The following MYPN variants were observed in gnomAD, a reference collection of about 807,000 sequenced individuals.
MYPN encodes sarcomeric protein myopalladin, 145 kDa (MYOP).
Under a neutral mutation model 129.4 loss-of-function variants are expected in MYPN, and 63 were observed. The observed-to-expected ratio is 0.49, with a 90% CI of 0.40 to 0.60. The LOEUF (loss-of-function observed/expected upper bound fraction) is 0.60, where lower values mean the gene tolerates loss of function less well. Among genes scored for constraint, MYPN ranks in the 20% least tolerant of loss-of-function variants. The pLI, the probability that MYPN is intolerant of heterozygous loss-of-function variation, is 0.00. For synonymous variants in MYPN, 629 were observed against 600.9 expected, an observed-to-expected ratio of 1.05 and a Z score of -0.68; for missense variants, 1,596 against 1,635.4, an observed-to-expected ratio of 0.98 and a Z score of 0.42.
chr10:68,117,565 A>C (rs2042176281), intron 1 of MYPN, among the ~76,000 whole-genome samples: 1 of 152,160 alleles, frequency 6.6e-6, no homozygotes, highest in Non-Finnish European at 1.5e-5. Context: ...AGAGGTGGGC[A>C]CAGGAAGCAG....
At chr10:68,095,481 A>G (rs2041952324) in intron 1 of MYPN, among the ~76,000 whole-genome samples, 3 of 152,164 alleles carry the variant, frequency 2.0e-5, no homozygotes, top group Admixed American at 2.0e-4. Flanking sequence ...ACTGCAGACC[A>G]GGGTCTCCCT....
chr10:68,171,914 G>A (rs2043150637), intron 10 of MYPN, among the ~76,000 whole-genome samples: 1 of 152,188 alleles, frequency 6.6e-6, no homozygotes. Context: ...GCCAGAAATT[G>A]TCATTGCCAA....
intron 8 of MYPN, among the ~76,000 whole-genome samples, chr10:68,162,680 G>A (rs1387169423): frequency 1.3e-5 from 2 of 152,216 alleles, no homozygotes; most frequent in African/African-American, 4.8e-5. Flanking sequence ...TTCAGGCCGG[G>A]CATGGTGGTT....
intron 16 of MYPN, among the ~76,000 whole-genome samples, chr10:68,197,918 C>T (rs1042554045): frequency 1.3e-5 from 2 of 151,856 alleles, no homozygotes; most frequent in East Asian, 1.9e-4. Flanking sequence ...AGTGTGAACG[C>T]GGTGGGCAAA....
At chr10:68,189,176 A>C in intron 13 of MYPN, 50 bp downstream of exon 13, 1 of 1,349,092 alleles carries the variant, frequency 7.4e-7, no homozygotes, top group Non-Finnish European at 1.1e-6. Context: ...GAAGCTATAG[A>C]CAGTGCCTTC....
chr10:68,185,003 G>A lies in MYPN; in HGVS notation c.2704-3902G>A, dbSNP rs150820927. Among the ~76,000 whole-genome samples the A allele has an allele frequency of 2.8e-3, 430 of 152,234 alleles. 1 individual carries two copies. Among genetic ancestry groups the A allele is most frequent in the African/African-American group, 9.6e-3 (400 of 41,540 alleles). Reference sequence around the variant, plus strand: ...TTTAAGGGTGGATGGCTATAACTTGGTGATGATGGAAACTGGGACTTCCGG... The same window carrying A: ...TTTAAGGGTGGATGGCTATAACTTGATGATGATGGAAACTGGGACTTCCGG... On this transcript the variant is annotated intron_variant, in intron 12 of 19. Transcript: ENST00000358913.
intron 6 of MYPN, among the ~76,000 whole-genome samples, chr10:68,151,517 G>A (rs949266354): frequency 2.6e-5 from 4 of 152,140 alleles, no homozygotes; most frequent in African/African-American, 9.7e-5. Flanking sequence ...GGGTGTATGT[G>A]TGTTTGTAAC....
chr10:68,196,800 T>G (rs2043614650), intron 15 of MYPN, among the ~76,000 whole-genome samples: 1 of 151,866 alleles, frequency 6.6e-6, no homozygotes, highest in African/African-American at 2.4e-5. Flanking sequence ...TCCCTTTGCC[T>G]CCTCCTCCTC....
chr10:68,157,863 A>AAAC (rs2042905916), intron 6 of MYPN, among the ~76,000 whole-genome samples: 1 of 110,178 alleles, frequency 9.1e-6, no homozygotes, highest in African/African-American at 3.1e-5. Context: ...AACAAACAAA[A>AAAC]AAAAACACCC....
At chr10:68,120,651 A>G (rs1233839541) in intron 1 of MYPN, among the ~76,000 whole-genome samples, 1 of 152,206 alleles carries the variant, frequency 6.6e-6, no homozygotes, top group East Asian at 1.9e-4. Context: ...AGCTAGATCA[A>G]GTTCATATTT....
At chr10:68,107,881 C>T (rs1249911123), upstream of MYPN, among the ~76,000 whole-genome samples, 1 of 152,136 alleles carries the variant, frequency 6.6e-6, no homozygotes, top group Non-Finnish European at 1.5e-5. Context: ...CCTTTACTAG[C>T]CACCTGAAAT....
At chr10:68,109,037 T>C (rs1329499698), upstream of MYPN, among the ~76,000 whole-genome samples, 2 of 152,166 alleles carry the variant, frequency 1.3e-5, no homozygotes, top group Admixed American at 6.5e-5. Flanking sequence ...TTTTTAACGT[T>C]AGTTACCTTG....
intron 6 of MYPN, among the ~76,000 whole-genome samples, chr10:68,150,552 A>G (rs2042752055): frequency 6.6e-6 from 1 of 151,980 alleles, no homozygotes; most frequent in African/African-American, 2.4e-5. Context: ...TTCTTTTTCT[A>G]TTCCATAGTA....
At chr10:68,198,100 T>C (rs2043641732) in intron 16 of MYPN, among the ~76,000 whole-genome samples, 1 of 152,258 alleles carries the variant, frequency 6.6e-6, no homozygotes, top group African/African-American at 2.4e-5. Context: ...AAAGGAGGAC[T>C]ACTATAATTC....
Position 68,175,308 on chromosome 10 carries a change from G to A in MYPN, c.2565-15G>A. 6.2e-7 allele frequency: 1 copy of A among 1,613,764 alleles called. No homozygotes were observed. The highest frequency in any genetic ancestry group is 8.5e-7 in the Non-Finnish European group (1 of 1,179,868). ...TGCTTTTCATGGGTGTGTCAGGTGT[G>A]GATTTATCTTACAGGCCATCCCAGG... On this transcript the variant is annotated splice_polypyrimidine_tract_variant and intron_variant, in intron 11 of 19. Coordinates refer to ENST00000358913, the MANE Select transcript of MYPN (RefSeq NM_032578.4).
At chr10:68,178,501 G>A (rs2043262832) in intron 12 of MYPN, among the ~76,000 whole-genome samples, 2 of 151,936 alleles carry the variant, frequency 1.3e-5, no homozygotes, top group Admixed American at 6.6e-5. Flanking sequence ...GATCACTTGA[G>A]GTCAGGAATT....
chr10:68,118,873 G>A (rs2042196131), intron 1 of MYPN, among the ~76,000 whole-genome samples: 1 of 141,622 alleles, frequency 7.1e-6, no homozygotes, highest in Non-Finnish European at 1.5e-5. Context: ...AGGGAAAAGA[G>A]TGATGAAGGA....
At chr10:68,184,848 T>G (rs1396936161) in intron 12 of MYPN, among the ~76,000 whole-genome samples, 1 of 152,036 alleles carries the variant, frequency 6.6e-6, no homozygotes, top group Non-Finnish European at 1.5e-5. Flanking sequence ...GGGAGTATGC[T>G]GAGAAGTGGG....
chr10:68,162,166 C>CAAAAAAAAAA (rs5785846), intron 8 of MYPN: 1 of 49,992 alleles, frequency 2.0e-5, no homozygotes, highest in Non-Finnish European at 4.5e-5. Flanking sequence ...GAATCTGTCT[C>CAAAAAAAAAA]AAAAAAAAAA....
Sources: allele counts gnomAD v4.1 joint callset (sites outside exome capture counted in the v4.1 genomes callset), GRCh38; gene constraint gnomAD v4.1.1; transcripts MANE v1.5; gene names NCBI Gene and HGNC (gene_info 2026-07-23, HGNC 2026-07-21).